The following IQCK variants were observed in gnomAD, a reference collection of about 807,000 sequenced individuals.
The protein encoded by IQCK is IQ domain-containing protein K.
Under a neutral mutation model 28.1 loss-of-function variants are expected in IQCK, and 29 were observed. That is an observed-to-expected ratio of 1.03 (90% CI 0.77 to 1.41). The LOEUF is 1.41. Among genes scored for constraint, IQCK ranks in the 40% most tolerant of loss-of-function variants. The probability of loss-of-function intolerance (pLI) is 0.00; values close to 1 mark genes in which losing one functional copy is unlikely to be tolerated. For missense variants in IQCK, 359 were observed against 314.7 expected (o/e 1.14, Z -1.07); for synonymous variants, 113 against 115.1 (o/e 0.98, Z 0.12).
intron 9 of IQCK, among the ~76,000 whole-genome samples, chr16:19,838,257 G>A (rs916589911): frequency 1.3e-5 from 2 of 152,326 alleles, no homozygotes. Context: ...TGGGGAAAGC[G>A]AGGTGGGATC....
chr16:19,741,425 G>A (rs987248720), intron 4 of IQCK, among the ~76,000 whole-genome samples: 2 of 152,086 alleles, frequency 1.3e-5, no homozygotes, highest in Non-Finnish European at 2.9e-5. Context: ...AAATAATTTT[G>A]TAACAAGGGG....
chr16:19,744,318 A>G (rs570600837), intron 4 of IQCK, among the ~76,000 whole-genome samples: 7 of 152,204 alleles, frequency 4.6e-5, no homozygotes, highest in South Asian at 2.1e-4. Context: ...ATTTTTAGAG[A>G]TGGGGTCTCA....
chr16:19,808,866 A>AT (rs1409984733), intron 7 of IQCK, among the ~76,000 whole-genome samples: 1 of 151,896 alleles, frequency 6.6e-6, no homozygotes, highest in Non-Finnish European at 1.5e-5. Flanking sequence ...TCCTAGGGTC[A>AT]TTTTTTTTAG....
intron 7 of IQCK, among the ~76,000 whole-genome samples, chr16:19,826,799 C>A (rs1172304887): frequency 2.0e-5 from 3 of 152,170 alleles, no homozygotes; most frequent in Non-Finnish European, 4.4e-5. Context: ...ACAGCACACA[C>A]CTATTCATTC....
chr16:19,841,798 A>G (rs1445758603), intron 9 of IQCK, among the ~76,000 whole-genome samples: 1 of 152,072 alleles, frequency 6.6e-6, no homozygotes, highest in Non-Finnish European at 1.5e-5. Flanking sequence ...CCAATGCCTC[A>G]TAAACATTAG....
At chr16:19,831,484 TAGTGTGG>T (rs1289806276), downstream of IQCK, among the ~76,000 whole-genome samples, 2 of 152,074 alleles carry the variant, frequency 1.3e-5, no homozygotes, top group Admixed American at 1.3e-4. Flanking sequence ...TGAATCTGGG[TAGTGTGG>T]GGGGTTACAA....
intron 7 of IQCK, among the ~76,000 whole-genome samples, chr16:19,812,594 G>A (rs2055922205): frequency 6.6e-6 from 1 of 152,208 alleles, no homozygotes; most frequent in Non-Finnish European, 1.5e-5. Context: ...CAAAAAAACA[G>A]TTTACTGACC....
At chr16:19,855,345 A>G (rs1255154699) in intron 9 of IQCK, among the ~76,000 whole-genome samples, 1 of 152,144 alleles carries the variant, frequency 6.6e-6, no homozygotes, top group Admixed American at 6.5e-5. Flanking sequence ...TAACCCCAGC[A>G]CTTTGGGAGG....
chr16:19,726,462 C>T (rs557369944), intron 1 of IQCK, among the ~76,000 whole-genome samples: 1 of 152,180 alleles, frequency 6.6e-6, no homozygotes, highest in Admixed American at 6.5e-5. Flanking sequence ...AAAAATTCCA[C>T]ATCTAAGGAT....
chr16:19,806,707 C>T (rs1258286022), intron 7 of IQCK, among the ~76,000 whole-genome samples: 1 of 135,446 alleles, frequency 7.4e-6, no homozygotes, highest in Non-Finnish European at 1.6e-5. Flanking sequence ...CCCCACCCCC[C>T]CACCCCCCAA....
Position 19,759,209 on chromosome 16 carries a change from A to T in IQCK, c.475-4639A>T, listed in dbSNP as rs938716916. Among the ~76,000 whole-genome samples the T allele has an allele frequency of 5.3e-5, 8 of 151,812 alleles. No individual in the cohort carries two copies. In the South Asian group the frequency reaches 8.3e-4, roughly 16 times the overall value. The stretch of plus-strand genomic sequence containing the variant: ...CCAGTGCAGTCAATTTTTTAAAATT[A>T]ATTATTATTATTATTATTTTGAGAT... On this transcript the variant is annotated intron_variant, in intron 4 of 7. Transcript: ENST00000564186.
Position 19,718,423 on chromosome 16 carries a change from G to T in IQCK, c.117G>T (p.Leu39=), listed in dbSNP as rs778063209. 7.5e-6 allele frequency: 12 copies of T among 1,607,358 alleles called. No homozygotes were observed. The South Asian group carries it at 1.1e-4, about 15-fold the overall frequency. Residue 39 remains leucine (L), a synonymous_variant, in exon 1 of 8, where the codon CTG becomes CTT. Transcript: ENST00000564186. ...CCGTGTCTCTCGCGTCCCGCGAGCT[G>T]CCTGTCTCGTCGTGGCAGGTCACCG...
intron 7 of IQCK, among the ~76,000 whole-genome samples, chr16:19,817,081 A>C (rs537730358): frequency 3.9e-5 from 6 of 152,136 alleles, no homozygotes; most frequent in Non-Finnish European, 7.4e-5. Context: ...GTAATCTATA[A>C]TTAGGAGAAT....
intron 6 of IQCK, among the ~76,000 whole-genome samples, chr16:19,786,440 G>A (rs375816185): frequency 1.3e-5 from 2 of 148,376 alleles, no homozygotes; most frequent in African/African-American, 2.6e-5. Context: ...GCTCATGCCT[G>A]TAATCCCAGC....
chr16:19,759,766 G>A (rs73541502), intron 4 of IQCK, among the ~76,000 whole-genome samples: 2,823 of 152,106 alleles, frequency 0.019, 99 homozygotes, highest in African/African-American at 0.065. Flanking sequence ...TCACTTGAGC[G>A]CAAGAGATTG....
At chr16:19,809,388 C>T (rs1176533772) in intron 7 of IQCK, among the ~76,000 whole-genome samples, 2 of 152,198 alleles carry the variant, frequency 1.3e-5, no homozygotes, top group South Asian at 2.1e-4. Flanking sequence ...CCTGGCTGGG[C>T]TGGAATGTCC....
At chr16:19,840,476 C>T (rs965780708) in intron 9 of IQCK, among the ~76,000 whole-genome samples, 2 of 152,136 alleles carry the variant, frequency 1.3e-5, no homozygotes, top group African/African-American at 4.8e-5. Flanking sequence ...TGATTTTTGC[C>T]TTTTTTTCTA....
chr16:19,736,054 A>G, intron 4 of IQCK: 1 of 452,604 alleles, frequency 2.2e-6, no homozygotes. Context: ...CAATAGCAAG[A>G]CCCTCAACTC....
At chr16:19,853,695 G>A (rs555612347) in intron 9 of IQCK, among the ~76,000 whole-genome samples, 40 of 152,202 alleles carry the variant, frequency 2.6e-4, no homozygotes, top group Non-Finnish European at 4.9e-4. Flanking sequence ...GCAGTAACAC[G>A]ATCTTGGCTC....
Sources: allele counts gnomAD v4.1 joint callset (sites outside exome capture counted in the v4.1 genomes callset), GRCh38; gene constraint gnomAD v4.1.1; transcripts MANE v1.5; gene names NCBI Gene and HGNC (gene_info 2026-07-23, HGNC 2026-07-21).